Variants in DYNC1H1 observed in about 807,000 individuals in gnomAD.
The protein encoded by DYNC1H1 is dynein cytoplasmic 1 heavy chain 1.
Under a neutral mutation model 527.1 loss-of-function variants are expected in DYNC1H1, and 51 were observed. The observed-to-expected ratio is 0.10, with a 90% confidence interval of 0.08 to 0.12. The LOEUF is 0.12. DYNC1H1 is among the 10% of genes least tolerant of loss of function. The pLI, the probability that DYNC1H1 is intolerant of heterozygous loss-of-function variation, is 1.00. For synonymous variants in DYNC1H1, 2,189 were observed against 2,278.8 expected (o/e 0.96, Z 1.12); for missense variants, 2,771 against 5,971.8 (o/e 0.46, Z 17.66).
intron 1 of DYNC1H1, 116 bp from the exon 2 acceptor site, chr14:101,975,596 G>A (rs1353152557): frequency 1.1e-6 from 1 of 913,286 alleles, no homozygotes; most frequent in Admixed American, 2.0e-5. Flanking sequence ...GCCAAGTCAT[G>A]TAGGTGTCGA....
intron 15 of DYNC1H1, 108 bp downstream of exon 15, chr14:101,995,408 G>A (rs1379395886): frequency 1.3e-5 from 18 of 1,361,144 alleles, no homozygotes; most frequent in Admixed American, 3.4e-5. Flanking sequence ...TCAGGAGATC[G>A]AGACCATCCT....
rs758045068 is a variant in DYNC1H1 at position 101,999,973 on chromosome 14, C to T, written c.3805-16C>T. On this transcript the variant is annotated splice_polypyrimidine_tract_variant and intron_variant, in intron 16 of 77. Coordinates refer to ENST00000360184, the MANE Select transcript of DYNC1H1 (RefSeq NM_001376.5). ...AGACATTGTGCTCCAATTCTCTGTG[C>T]TCTGACTGCTTTCAGGGCAACCTTC... 3 of 1,614,140 alleles carry T rather than the reference C, an allele frequency of 1.9e-6. No homozygotes were observed. The highest frequency in any genetic ancestry group is 2.5e-6 in the Non-Finnish European group (3 of 1,180,032).
At chr14:101,981,594 A>G (rs1367932656) in intron 5 of DYNC1H1, among the ~76,000 whole-genome samples, 1 of 152,236 alleles carries the variant, frequency 6.6e-6, no homozygotes, top group African/African-American at 2.4e-5. Context: ...AGCAGTTGTC[A>G]TGTTCTCACT....
intron 29 of DYNC1H1, among the ~76,000 whole-genome samples, chr14:102,008,827 T>C (rs775846907): frequency 2.0e-5 from 3 of 152,162 alleles, no homozygotes; most frequent in African/African-American, 2.4e-5. Flanking sequence ...TCACAGCTTT[T>C]AGTCCTCATT....
Position 102,033,573 on chromosome 14 carries a change from C to A in DYNC1H1, c.10413+89C>A. On this transcript the variant is annotated intron_variant, in intron 54 of 77. Coordinates refer to ENST00000360184, the MANE Select transcript of DYNC1H1 (RefSeq NM_001376.5). The surrounding 1 kb of genome is among the most constrained non-coding windows in gnomAD (Gnocchi z 5.6). Reference sequence around the variant, plus strand: ...ACATGCGCTGCATGCACCATGCTGGCCTCGGTGAATTCGCTCTTTAACATC... The same window carrying A: ...ACATGCGCTGCATGCACCATGCTGGACTCGGTGAATTCGCTCTTTAACATC... 6.5e-7 allele frequency: 1 copy of A among 1,532,398 alleles called. No homozygotes were observed. The allele number at this position is 1,532,398 out of a possible 1,614,324, so 94.9% of individuals were successfully genotyped here.
intron 23 of DYNC1H1, among the ~76,000 whole-genome samples, chr14:102,004,065 C>T (rs1312146824): frequency 2.0e-5 from 3 of 151,562 alleles, no homozygotes; most frequent in Admixed American, 6.6e-5. Context: ...CATGGTGAAA[C>T]CCCGTCTCTA....
intron 74 of DYNC1H1, 108 bp downstream of exon 74, chr14:102,048,777 G>C: frequency 8.5e-7 from 1 of 1,181,248 alleles, no homozygotes; most frequent in South Asian, 1.3e-5. Flanking sequence ...AGGCCTGCAG[G>C]AGCTTCCGAG....
rs762636220 is a variant in DYNC1H1 at position 101,983,207 on chromosome 14, A to G, written c.1150A>G (p.Ile384Val). Reference sequence around the variant, plus strand: ...GAGGGCACTGCGTTTGGTGGAGGCAATTTCAAGAGACTTGAGTTCTCAATT... The same window carrying G: ...GAGGGCACTGCGTTTGGTGGAGGCAGTTTCAAGAGACTTGAGTTCTCAATT... ...IQRALRLVEA[I>V]SRDLSSQLLK... is the part of the protein sequence containing the mutation. Residue 384 changes from isoleucine (I) to valine (V), a missense_variant, in exon 6 of 78, where the codon ATT becomes GTT. Physicochemically the swap from Ile to Val is conservative, Grantham distance 29 (BLOSUM62 3). This residue lies in a region of DYNC1H1 where 264 missense variants were observed against 619.4 expected (regional missense o/e 0.43). Coordinates refer to ENST00000360184, the MANE Select transcript of DYNC1H1 (RefSeq NM_001376.5). This position sits in a 1 kb window ranked among gnomAD's most constrained non-coding sequence, Gnocchi z 5.3. 1 of 1,614,226 alleles carries G rather than the reference A, an allele frequency of 6.2e-7. No homozygotes were observed. The highest frequency in any genetic ancestry group is 1.7e-5 in the Admixed American group (1 of 60,034).
chr14:101,984,367 TTGTG>T (rs34147685), intron 7 of DYNC1H1, among the ~76,000 whole-genome samples: 2 of 145,216 alleles, frequency 1.4e-5, no homozygotes, highest in South Asian at 2.2e-4. Context: ...TGATTCTGTA[TTGTG>T]TGTGTGTGTG....
chr14:102,001,072 G>A lies in DYNC1H1; in HGVS notation c.4185+8G>A. On this transcript the variant is annotated splice_region_variant and intron_variant, in intron 19 of 77. Transcript: ENST00000360184. This position sits in a 1 kb window ranked among gnomAD's most constrained non-coding sequence, Gnocchi z 5.0. The stretch of plus-strand genomic sequence containing the variant: ...CTGAAAGGTTACATGAAGGTAGGTG[G>A]CCAGTATCGCACGGTGATGAGTGTC... 1 of 1,614,072 alleles carries A rather than the reference G, an allele frequency of 6.2e-7. No homozygotes were observed. The highest frequency in any genetic ancestry group is 8.5e-7 in the Non-Finnish European group (1 of 1,179,958).
Position 102,015,774 on chromosome 14 carries a change from C to CT in DYNC1H1, c.7243-80dup. The stretch of plus-strand genomic sequence containing the variant: ...AATGAGTTTTCCAAGGTCGTATGAC[C>CT]TTCTCCTGGGACCAGGTTAGAATCG... On this transcript the variant is annotated intron_variant, in intron 35 of 77. Coordinates refer to ENST00000360184, the MANE Select transcript of DYNC1H1 (RefSeq NM_001376.5). The surrounding 1 kb of genome is among the most constrained non-coding windows in gnomAD (Gnocchi z 6.9). 1 of 1,487,860 alleles carries CT rather than the reference C, an allele frequency of 6.7e-7. No individual in the cohort carries two copies. Among genetic ancestry groups the CT allele is most frequent in the Non-Finnish European group, 9.2e-7 (1 of 1,083,818 alleles). The allele number at this position is 1,487,860 out of a possible 1,614,324, so 92.2% of individuals were successfully genotyped here.
At chr14:101,993,756 T>C (rs993527482) in intron 11 of DYNC1H1, among the ~76,000 whole-genome samples, 16 of 152,198 alleles carry the variant, frequency 1.1e-4, no homozygotes, top group African/African-American at 3.9e-4. Flanking sequence ...CTTCTCACTC[T>C]TGCTCCGTAG....
In DYNC1H1 at chr14:101,975,815, A is replaced by G. The variant is rs1347608086; in HGVS notation, c.344+16A>G. 2 of 1,551,402 alleles carry G rather than the reference A, an allele frequency of 1.3e-6. No individual in the cohort carries two copies. Among genetic ancestry groups the G allele is most frequent in the South Asian group, 1.1e-5 (1 of 89,398 alleles). On this transcript the variant is annotated intron_variant, in intron 2 of 77. Transcript: ENST00000360184. ...AATCCAATAGGTGAGTAGTACAAAT[A>G]TTACCATTATCTCAGGTTATAAATT... is the stretch of plus-strand genomic sequence containing the variant.
At position 101,994,656 on chromosome 14, in the gene DYNC1H1, G is replaced by C. The variant is rs1424530018; in HGVS notation, c.3157-17G>C. ...TGAAAACTCAAACTATTATTTAACT[G>C]TGTTCTTCATTTGCAGGTTTGGCTT... On this transcript the variant is annotated splice_polypyrimidine_tract_variant and intron_variant, in intron 12 of 77. Coordinates refer to ENST00000360184, the MANE Select transcript of DYNC1H1 (RefSeq NM_001376.5). The C allele has an allele frequency of 6.2e-7, 1 of 1,613,882 alleles. No individual in the cohort carries two copies. Among genetic ancestry groups the C allele is most frequent in the Admixed American group, 1.7e-5 (1 of 60,014 alleles).
At position 102,005,146 on chromosome 14, in the gene DYNC1H1, G is replaced by T; in HGVS notation, c.5343G>T (p.Val1781=). 4 of 1,614,192 alleles carry T rather than the reference G, an allele frequency of 2.5e-6. No individual in the cohort carries two copies. Among genetic ancestry groups the T allele is most frequent in the Non-Finnish European group, 3.4e-6 (4 of 1,180,034 alleles). ...GGGDAAPLHS[V]LSNVEVTLNV... Reference sequence around the variant, plus strand: ...GAGATGCCGCGCCCTTGCACTCTGTGCTGAGCAATGTGGAGGTCACCCTCA... The same window carrying T: ...GAGATGCCGCGCCCTTGCACTCTGTTCTGAGCAATGTGGAGGTCACCCTCA... Residue 1781 remains valine, a synonymous_variant, in exon 26 of 78, where the codon GTG becomes GTT. Transcript: ENST00000360184. This position sits in a 1 kb window ranked among gnomAD's most constrained non-coding sequence, Gnocchi z 4.0.
Position 102,018,968 on chromosome 14 carries a change from A to T in DYNC1H1, c.8343+352A>T, listed in dbSNP as rs1261730055. 6.6e-6 allele frequency among the ~76,000 whole-genome samples: 1 copy of T among 152,240 alleles called. No homozygotes were observed. Among genetic ancestry groups the T allele is most frequent in the Non-Finnish European group, 1.5e-5 (1 of 68,040 alleles). On this transcript the variant is annotated intron_variant, in intron 41 of 77. Transcript: ENST00000360184. This position sits in a 1 kb window ranked among gnomAD's most constrained non-coding sequence, Gnocchi z 5.2. The stretch of plus-strand genomic sequence containing the variant: ...TACCTCAAAATAAAATGAGAAGTTT[A>T]TTGAAATAAAGATTGGACTTTATTC...
At chr14:102,000,449 C>T (rs202184462) in intron 18 of DYNC1H1, 50 bp downstream of exon 18, 2 of 1,574,260 alleles carry the variant, frequency 1.3e-6, no homozygotes, top group South Asian at 2.2e-5. Context: ...CAGTTACAGA[C>T]TTTATTTAGG....
chr14:101,987,514 G>A lies in DYNC1H1; in HGVS notation c.2600G>A (p.Cys867Tyr). The change falls in exon 9 of 78, where the codon TGT (cysteine) becomes TAT (tyrosine). Residue 867 changes from cysteine (C) to tyrosine (Y), a missense_variant. Physicochemically the swap from Cys to Tyr is radical, Grantham distance 194 (BLOSUM62 -2). Around this residue, in one of 32 missense-constraint regions of DYNC1H1, gnomAD observed 179 missense variants for 349.4 expected, o/e 0.51. Transcript: ENST00000360184. ...CTAGAAGTCCGTTCCTTGGAAACTT[G>A]TATGTATGACCATAAGACATTCTCG... ...IDLEVRSLET[C>Y]MYDHKTFSEI... is the part of the protein sequence containing the mutation. The A allele has an allele frequency of 6.2e-7, 1 of 1,614,184 alleles. No homozygotes were observed. The highest frequency in any genetic ancestry group is 8.5e-7 in the Non-Finnish European group (1 of 1,180,032).
At chr14:102,007,219 T>C (rs2048206653) in intron 28 of DYNC1H1, 111 bp downstream of exon 28, 1 of 1,135,000 alleles carries the variant, frequency 8.8e-7, no homozygotes, top group Non-Finnish European at 1.3e-6. Context: ...CTCAGCGTGG[T>C]TTATATGGCC....
Sources: gnomAD v4.1 joint callset for allele counts (sites outside exome capture counted in the v4.1 genomes callset) on GRCh38, gnomAD v4.1.1 for gene constraint, gnomAD v4.1.1 regional missense constraint, Gnocchi (gnomAD v3.1) non-coding constraint, MANE v1.5 for transcripts, NCBI Gene and HGNC (gene_info 2026-07-23, HGNC 2026-07-21) for gene names.